IPO9: variants seen among roughly 807,000 people sequenced by gnomAD.
IPO9 encodes importin-9.
IPO9 carries 28 observed loss-of-function variants against 128.6 expected under a neutral mutation model. The ratio of observed to expected loss-of-function variants is 0.22; its 90% confidence interval spans 0.16 to 0.30. The LOEUF (loss-of-function observed/expected upper bound fraction) is 0.30, where lower values mean the gene tolerates loss of function less well. Among genes scored for constraint, IPO9 ranks in the 10% least tolerant of loss-of-function variants. IPO9 has a pLI of 1.00. For missense variants in IPO9, 935 were observed against 1,293.9 expected, an observed-to-expected ratio of 0.72 and a Z score of 4.26; for synonymous variants, 455 against 475.8, an observed-to-expected ratio of 0.96 and a Z score of 0.57.
Position 201,875,156 on chromosome 1 carries a change from G to A in IPO9, c.2943G>A (p.Glu981=). Residue 981 remains glutamate (E), a synonymous_variant, in exon 23 of 24, where the codon GAG becomes GAA. Coordinates refer to ENST00000361565, the MANE Select transcript of IPO9 (RefSeq NM_018085.5). ...SDILATSKYE[E]DYYEDDEEDD... is the part of the protein sequence containing the mutation. Reference sequence around the variant, plus strand: ...TGTGTTGGCTATGTCTAACAGAGGAGGATTACTACGAGGATGATGAGGAAG... The same window carrying A: ...TGTGTTGGCTATGTCTAACAGAGGAAGATTACTACGAGGATGATGAGGAAG... The A allele has an allele frequency of 1.9e-6, 3 of 1,614,110 alleles. No homozygotes were observed. The highest frequency in any genetic ancestry group is 2.5e-6 in the Non-Finnish European group (3 of 1,179,950).
chr1:201,878,275 C>T lies in IPO9; in HGVS notation c.*2221C>T, dbSNP rs1290780868. 6.6e-6 allele frequency: 1 copy of T among 152,492 alleles called. No homozygotes were observed. Among genetic ancestry groups the T allele is most frequent in the Non-Finnish European group, 1.5e-5 (1 of 68,056 alleles). 9.4% of individuals were successfully genotyped at this position (152,492 alleles called of 1,614,324 possible). ...GCCTTGCAGACTCCATAGTTTATCT[C>T]AAGGCAGTGCCAGTCGGATTTGGTG... On this transcript the variant is annotated 3_prime_UTR_variant, in exon 24 of 24. Transcript: ENST00000361565.
intron 15 of IPO9, among the ~76,000 whole-genome samples, chr1:201,868,245 C>G (rs534947875): frequency 1.3e-5 from 2 of 151,168 alleles, no homozygotes; most frequent in Admixed American, 1.3e-4. Context: ...TTCTCTCATG[C>G]ATCAAAGCCA....
At position 201,874,881 on chromosome 1, in the gene IPO9, G is replaced by GGAA; in HGVS notation, c.2885_2886insAGA (p.Glu962dup). On this transcript the variant is annotated inframe_insertion, in exon 22 of 24. Coordinates refer to ENST00000361565, the MANE Select transcript of IPO9 (RefSeq NM_018085.5). Reference sequence around the variant, plus strand: ...ACCAGGAGGAGGAAGAGGAGGAGGAGGAGGATGGTTTAGCTGGCCAACTTT... The same window carrying GGAA: ...ACCAGGAGGAGGAAGAGGAGGAGGAGGAAGAGGATGGTTTAGCTGGCCAACTTT... 6.2e-7 allele frequency: 1 copy of GGAA among 1,613,884 alleles called. No homozygotes were observed.
chr1:201,855,731 C>T (rs1680317527), intron 9 of IPO9, 52 bp from the exon 10 acceptor site: 8 of 1,517,150 alleles, frequency 5.3e-6, no homozygotes, highest in Non-Finnish European at 7.2e-6. Context: ...TGCATATATG[C>T]TTTCCTTTTG....
chr1:201,874,039 ACT>A (rs1680712906), intron 20 of IPO9, among the ~76,000 whole-genome samples: 1 of 152,202 alleles, frequency 6.6e-6, no homozygotes, highest in Admixed American at 6.5e-5. Flanking sequence ...TAATCCCTGA[ACT>A]CTCATCTCTC....
intron 7 of IPO9, 43 bp downstream of exon 7, chr1:201,854,757 T>C (rs1351730353): frequency 6.2e-7 from 1 of 1,608,582 alleles, no homozygotes; most frequent in Admixed American, 1.7e-5. Context: ...TTTGAGGGGC[T>C]GGTCTGAAAT....
intron 23 of IPO9, among the ~76,000 whole-genome samples, chr1:201,875,464 C>A (rs972228116): frequency 6.6e-6 from 1 of 152,100 alleles, no homozygotes; most frequent in Non-Finnish European, 1.5e-5. Context: ...GTGGCACACC[C>A]CCGTGGTCCC....
In IPO9 at chr1:201,860,642, G is replaced by A. The variant is rs184553062; in HGVS notation, c.1468+1648G>A. On this transcript the variant is annotated intron_variant, in intron 13 of 23. Transcript: ENST00000361565. Reference sequence around the variant, plus strand: ...TATATATCATTTGTTAATCCTACCTGTAGCTAAAACCTTTTCTACACCAAC... The same window carrying A: ...TATATATCATTTGTTAATCCTACCTATAGCTAAAACCTTTTCTACACCAAC... 8.1e-4 allele frequency among the ~76,000 whole-genome samples: 124 copies of A among 152,250 alleles called. 1 individual carries two copies. Among genetic ancestry groups the A allele is most frequent in the African/African-American group, 2.9e-3 (122 of 41,528 alleles).
At chr1:201,838,118 T>C (rs1679973520) in intron 1 of IPO9, among the ~76,000 whole-genome samples, 1 of 152,144 alleles carries the variant, frequency 6.6e-6, no homozygotes, top group Non-Finnish European at 1.5e-5. Flanking sequence ...AATTTGTGAA[T>C]GTGCTTGTAG....
At chr1:201,831,507 C>G (rs1355349500) in intron 1 of IPO9, among the ~76,000 whole-genome samples, 1 of 152,118 alleles carries the variant, frequency 6.6e-6, no homozygotes, top group Non-Finnish European at 1.5e-5. Context: ...GAGATTTACC[C>G]CCTTCTGTAC....
At chr1:201,864,340 C>G (rs143201088) in intron 14 of IPO9, among the ~76,000 whole-genome samples, 14 of 152,268 alleles carry the variant, frequency 9.2e-5, no homozygotes, top group African/African-American at 2.2e-4. Context: ...CCATCTTTTT[C>G]TGCTTCAATC....
At chr1:201,868,538 C>G (rs899082862) in intron 15 of IPO9, 110 bp from the exon 16 acceptor site, 2 of 1,158,846 alleles carry the variant, frequency 1.7e-6, no homozygotes, top group Non-Finnish European at 2.4e-6. Context: ...GATAAGTAAT[C>G]AATGCAGAAG....
intron 4 of IPO9, among the ~76,000 whole-genome samples, chr1:201,849,645 G>T (rs1680182880): frequency 6.6e-6 from 1 of 152,154 alleles, no homozygotes; most frequent in Middle Eastern, 3.2e-3. Flanking sequence ...GATGTTAATG[G>T]TAGATAATAT....
chr1:201,832,889 AG>A, intron 1 of IPO9, among the ~76,000 whole-genome samples: 1 of 152,228 alleles, frequency 6.6e-6, no homozygotes, highest in Non-Finnish European at 1.5e-5. Context: ...TTATGGGGAA[AG>A]GACACAGGTC....
chr1:201,833,197 G>A (rs1324010532), intron 1 of IPO9, among the ~76,000 whole-genome samples: 1 of 151,250 alleles, frequency 6.6e-6, no homozygotes, highest in East Asian at 1.9e-4. Context: ...GATAAGATAG[G>A]TTACTTCATC....
intron 3 of IPO9, 45 bp from the exon 4 acceptor site, chr1:201,848,348 A>G (rs1453281415): frequency 5.2e-6 from 8 of 1,538,642 alleles, no homozygotes; most frequent in East Asian, 2.2e-5. Context: ...TCTGCCAGTC[A>G]CTTTTAACCT....
chr1:201,868,864 T>G, intron 16 of IPO9, 68 bp downstream of exon 16: 14 of 1,485,868 alleles, frequency 9.4e-6, no homozygotes, highest in South Asian at 1.3e-5. Context: ...CAGATGCATC[T>G]AGCTGACAAG....
chr1:201,866,714 C>T lies in IPO9; in HGVS notation c.1629-19C>T. 6.4e-7 allele frequency: 1 copy of T among 1,569,832 alleles called. No homozygotes were observed. The highest frequency in any genetic ancestry group is 8.8e-7 in the Non-Finnish European group (1 of 1,141,350). ...ATTGAATTTTTTTTAATAATTCTTGCTTATCTATCTCTCTCTAGTTATTGT... is the reference window on the plus strand; with the variant it reads ...ATTGAATTTTTTTTAATAATTCTTGTTTATCTATCTCTCTCTAGTTATTGT... On this transcript the variant is annotated intron_variant, in intron 14 of 23. Coordinates refer to ENST00000361565, the MANE Select transcript of IPO9 (RefSeq NM_018085.5).
chr1:201,873,151 G>A (rs1421343738), intron 20 of IPO9, among the ~76,000 whole-genome samples, 190 bp downstream of exon 20: 1 of 152,116 alleles, frequency 6.6e-6, no homozygotes, highest in East Asian at 1.9e-4. Flanking sequence ...GTGGAAAATG[G>A]ACAAAAATAG....
Sources: allele counts gnomAD v4.1 joint callset (sites outside exome capture counted in the v4.1 genomes callset), GRCh38; gene constraint gnomAD v4.1.1; transcripts MANE v1.5; gene names NCBI Gene and HGNC (gene_info 2026-07-23, HGNC 2026-07-21).